Variants in TFPT observed in about 807,000 individuals in gnomAD.
TFPT encodes TCF3 fusion partner, also known as INO80 complex subunit F.
TFPT carries 27 observed loss-of-function variants against 28.8 expected under a neutral mutation model. The ratio of observed to expected loss-of-function variants is 0.94; its 90% CI spans 0.69 to 1.29. TFPT has a LOEUF of 1.29. Among genes scored for constraint, TFPT ranks in the 50% most tolerant of loss-of-function variants. TFPT has a pLI of 0.00. For synonymous variants in TFPT, 152 were observed against 142.8 expected (o/e 1.06, Z -0.46); for missense variants, 330 against 338.0 (o/e 0.98, Z 0.19).
chr19:54,115,380 G>A lies in TFPT; in HGVS notation c.-111C>T, dbSNP rs910972559. 2.8e-5 allele frequency: 43 copies of A among 1,524,890 alleles called. No homozygotes were observed. In the South Asian group the frequency reaches 4.8e-4, roughly 17 times the overall value. The allele number at this position is 1,524,890 out of a possible 1,614,324, so 94.5% of individuals were successfully genotyped here. A position where few individuals can be genotyped will look rare whatever the true frequency, so the allele number is the denominator to read the frequency against. The stretch of plus-strand genomic sequence containing the variant: ...ATCAGGCTCAGCAGCCGAGGACGGC[G>A]GGACGTGGCCCTAGGCCTTGTGGGA... On this transcript the variant is annotated 5_prime_UTR_variant, in exon 1 of 6. Coordinates refer to ENST00000391759, the MANE Select transcript of TFPT (RefSeq NM_013342.4).
intron 1 of TFPT, 127 bp downstream of exon 1, chr19:54,115,120 A>C: frequency 1.4e-6 from 2 of 1,426,784 alleles, no homozygotes; most frequent in Non-Finnish European, 2.0e-6. Flanking sequence ...AAAGGGTTCT[A>C]AGGTAAAGCA....
chr19:54,114,340 T>A, intron 2 of TFPT, 102 bp downstream of exon 2: 2 of 1,500,268 alleles, frequency 1.3e-6, no homozygotes, highest in Admixed American at 2.1e-5. Flanking sequence ...ACTGAATATA[T>A]CAGCAAGCCA....
At chr19:54,110,261 C>T (rs747296460) in intron 2 of TFPT, 140 bp from the exon 3 acceptor site, 73 of 813,574 alleles carry the variant, frequency 9.0e-5, no homozygotes, top group Admixed American at 1.7e-4. Context: ...ACCTTCCCAT[C>T]CCTCCGGCTC....
At chr19:54,114,070 G>C (rs1055318875) in intron 2 of TFPT, among the ~76,000 whole-genome samples, 6 of 152,216 alleles carry the variant, frequency 3.9e-5, no homozygotes, top group African/African-American at 1.4e-4. Flanking sequence ...CATAGGGATG[G>C]AGGAGAGGAG....
Position 54,114,498 on chromosome 19 carries a change from C to A in TFPT, c.226G>T (p.Glu76Ter). Residue 76 changes from glutamate to a stop codon, truncating the protein, a stop_gained, in exon 2 of 6, where the codon GAA becomes TAA. Coordinates refer to ENST00000391759, the MANE Select transcript of TFPT (RefSeq NM_013342.4). LOFTEE classifies it high-confidence loss of function. ...GCCTGGTACTTTCTGCGATTTAATT[C>A]CCGCTGGCGCCGCCGCCGACCCCGG... is the stretch of plus-strand genomic sequence containing the variant. ...AARGRRRRQRELNRRKYQALG... is the reference protein window; with the variant it reads ...AARGRRRRQR 6.2e-7 allele frequency: 1 copy of A among 1,613,854 alleles called. No homozygotes were observed. Among genetic ancestry groups the A allele is most frequent in the Non-Finnish European group, 8.5e-7 (1 of 1,179,976 alleles).
In TFPT at chr19:54,110,061, G is replaced by C; in HGVS notation, c.343C>G (p.Gln115Glu). 2 of 1,614,110 alleles carry C rather than the reference G, an allele frequency of 1.2e-6. No individual in the cohort carries two copies. The highest frequency in any genetic ancestry group is 1.7e-6 in the Non-Finnish European group (2 of 1,180,014). The change falls in exon 3 of 6, where the codon CAG (glutamine) becomes GAG (glutamate). Residue 115 changes from glutamine (Q) to glutamate (E), a missense_variant. Physicochemically the swap from Gln to Glu is conservative, Grantham distance 29. Transcript: ENST00000391759. The part of the protein sequence containing the change: ...QVQRITRRLQ[Q>E]ERRFLMRVLD... ...CAGAGAAGGGGTTACCTCCGTTCCTGCTGCAGCCTCCGAGTTATCCTCTGC... is the reference window on the plus strand; with the variant it reads ...CAGAGAAGGGGTTACCTCCGTTCCTCCTGCAGCCTCCGAGTTATCCTCTGC...
intron 2 of TFPT, among the ~76,000 whole-genome samples, chr19:54,112,320 C>G (rs1408964853): frequency 1.3e-5 from 2 of 151,780 alleles, no homozygotes; most frequent in Non-Finnish European, 2.9e-5. Flanking sequence ...TACTTAACCT[C>G]TCTGAGCCTT....
At chr19:54,113,643 G>A (rs1460548904) in intron 2 of TFPT, among the ~76,000 whole-genome samples, 1 of 152,170 alleles carries the variant, frequency 6.6e-6, no homozygotes, top group African/African-American at 2.4e-5. Flanking sequence ...TTGTCCTGGT[G>A]TTCCTGGCCT....
intron 2 of TFPT, 85 bp downstream of exon 2, chr19:54,114,357 G>A (rs2146373564): frequency 2.0e-6 from 3 of 1,527,872 alleles, no homozygotes; most frequent in South Asian, 2.5e-5. Flanking sequence ...GCCAAGAAAG[G>A]CTGGGCATGT....
chr19:54,114,348 CCAAGAAAGG>C, intron 2 of TFPT, 85 bp downstream of exon 2: 1 of 1,516,384 alleles, frequency 6.6e-7, no homozygotes, highest in East Asian at 2.3e-5. Flanking sequence ...TATCAGCAAG[CCAAGAAAGG>C]CTGGGCATGT....
chr19:54,107,174 A>G lies in TFPT; in HGVS notation c.643-5T>C, dbSNP rs1280734945. 1.9e-6 allele frequency: 3 copies of G among 1,612,058 alleles called. No individual in the cohort carries two copies. In the South Asian group the frequency reaches 3.3e-5, roughly 18 times the overall value. ...AAAGTCTTCCTCAACCTTAATCTGCAGGAGATAAGGAACAAGGTGTTAACA... is the reference window on the plus strand; with the variant it reads ...AAAGTCTTCCTCAACCTTAATCTGCGGGAGATAAGGAACAAGGTGTTAACA... On this transcript the variant is annotated splice_region_variant and splice_polypyrimidine_tract_variant and intron_variant, in intron 5 of 5. Coordinates refer to ENST00000391759, the MANE Select transcript of TFPT (RefSeq NM_013342.4).
intron 2 of TFPT, 110 bp downstream of exon 2, chr19:54,114,332 T>G (rs1258328117): frequency 6.8e-7 from 1 of 1,477,954 alleles, no homozygotes; most frequent in East Asian, 2.3e-5. Flanking sequence ...GCTAAATGAC[T>G]GAATATATCA....
chr19:54,108,433 CT>C, intron 3 of TFPT, 38 bp from the exon 4 acceptor site: 3 of 1,614,056 alleles, frequency 1.9e-6, no homozygotes, highest in Non-Finnish European at 2.5e-6. Flanking sequence ...AATAACTTAT[CT>C]CCTAGCGGCT....
In TFPT at chr19:54,108,214, TG is replaced by T; in HGVS notation, c.453del (p.Thr152ProfsTer55). 6.3e-7 allele frequency: 1 copy of T among 1,597,152 alleles called. No homozygotes were observed. On this transcript the variant is annotated frameshift_variant, in exon 5 of 6. Coordinates refer to ENST00000391759, the MANE Select transcript of TFPT (RefSeq NM_013342.4). LOFTEE classifies it high-confidence loss of function. Reference protein sequence around the residue: ...EDEGSQGTDAPTPGNAENEPP... With the variant: ...EDEGSQGTDAXTPGNAENEPP... ...GGCTCATTCTCCGCATTGCCTGGGG[TG>T]GGGGCATCCGTGCCCTGGCTGCCCT...
chr19:54,110,497 C>T (rs866674101), intron 2 of TFPT, among the ~76,000 whole-genome samples: 4 of 152,102 alleles, frequency 2.6e-5, no homozygotes, highest in Non-Finnish European at 2.9e-5. Flanking sequence ...GAGGCCGAGG[C>T]GAGTAGATCC....
intron 2 of TFPT, 37 bp from the exon 3 acceptor site, chr19:54,110,158 G>A (rs771382275): frequency 2.1e-5 from 33 of 1,607,452 alleles, no homozygotes; most frequent in South Asian, 3.3e-5. Context: ...TGGATCCCAC[G>A]GCTCCCGTTC....
intron 3 of TFPT, chr19:54,109,397 C>T (rs146723914): frequency 5.2e-5 from 8 of 152,798 alleles, no homozygotes; most frequent in African/African-American, 1.9e-4. Context: ...AGAATGGGCT[C>T]CAGGGAAGAG....
rs777367685 is a variant in TFPT at position 54,114,698 on chromosome 19, G to C, written c.26C>G (p.Thr9Ser). The change falls in exon 2 of 6, where the codon ACC becomes AGC. Residue 9 changes from threonine (T) to serine (S), a missense_variant and splice_region_variant. Coordinates refer to ENST00000391759, the MANE Select transcript of TFPT (RefSeq NM_013342.4). MELEQREG[T>S]MAAVGFEEFS... Reference sequence around the variant, plus strand: ...CTCCTCAAAGCCCACGGCTGCCATGGTCCTGAGAGGCAGGGAAAGGCTCAG... The same window carrying C: ...CTCCTCAAAGCCCACGGCTGCCATGCTCCTGAGAGGCAGGGAAAGGCTCAG... 1 of 1,611,680 alleles carries C rather than the reference G, an allele frequency of 6.2e-7. No homozygotes were observed. Among genetic ancestry groups the C allele is most frequent in the South Asian group, 1.1e-5 (1 of 91,058 alleles).
rs2073426335 is a variant in TFPT at position 54,110,602 on chromosome 19, C to T, written c.283-481G>A. On this transcript the variant is annotated intron_variant, in intron 2 of 5. Coordinates refer to ENST00000391759, the MANE Select transcript of TFPT (RefSeq NM_013342.4). ...AATTAGCTGGGCGTGGTGGCAGGTG[C>T]CTGCAGGATAGTCGCACGAACCTGG... 2.0e-5 allele frequency among the ~76,000 whole-genome samples: 3 copies of T among 152,124 alleles called. No individual in the cohort carries two copies. The South Asian group carries it at 6.2e-4, about 32-fold the overall frequency.
Sources: allele counts gnomAD v4.1 joint callset (sites outside exome capture counted in the v4.1 genomes callset), GRCh38; gene constraint gnomAD v4.1.1; transcripts MANE v1.5; gene names NCBI Gene and HGNC (gene_info 2026-07-23, HGNC 2026-07-21).